IFI16: variants seen among roughly 807,000 people sequenced by gnomAD.
The protein encoded by IFI16 is interferon gamma inducible protein 16, also known as gamma-interferon-inducible protein 16.
IFI16 carries 49 observed loss-of-function variants against 68.4 expected under a neutral mutation model. The observed-to-expected ratio is 0.72, with a 90% CI of 0.57 to 0.91. The LOEUF (loss-of-function observed/expected upper bound fraction) is 0.91, where lower values mean the gene tolerates loss of function less well. IFI16 is among the 40% of genes least tolerant of loss of function. IFI16 has a pLI of 0.00. For missense variants in IFI16, 878 were observed against 942.9 expected (o/e 0.93, Z 0.90); for synonymous variants, 307 against 315.0 (o/e 0.97, Z 0.27).
chr1:159,002,746 T>C (rs534596552), upstream of IFI16, among the ~76,000 whole-genome samples: 25 of 152,246 alleles, frequency 1.6e-4, no homozygotes, highest in African/African-American at 6.0e-4. Context: ...CCACCTAGAG[T>C]AGTAGGTCCT....
At position 159,038,016 on chromosome 1, in the gene IFI16, A is replaced by G. The variant is rs1654422997; in HGVS notation, c.1329+5325A>G. ...AAAGATAAAATTTTCATCTCATTTC[A>G]CATATGAGATTCATGAGATACAAAG... On this transcript the variant is annotated intron_variant, in intron 7 of 11. Transcript: ENST00000295809. Among the ~76,000 whole-genome samples, 2 of 152,184 alleles carry G rather than the reference A, an allele frequency of 1.3e-5. 1 individual carries two copies. The highest frequency in any genetic ancestry group is 1.3e-4 in the Admixed American group (2 of 15,268).
At chr1:159,016,035 C>G in intron 3 of IFI16, 48 bp downstream of exon 3, 1 of 1,198,552 alleles carries the variant, frequency 8.3e-7, no homozygotes, top group Non-Finnish European at 1.2e-6. Context: ...AGAGGAAGCT[C>G]TGCTACGGCT....
At chr1:159,014,213 C>G (rs1010058861) in intron 1 of IFI16, among the ~76,000 whole-genome samples, 2 of 152,144 alleles carry the variant, frequency 1.3e-5, no homozygotes, top group Admixed American at 6.5e-5. Flanking sequence ...AGCGCTGTAG[C>G]AGAAAGTTAT....
intron 9 of IFI16, among the ~76,000 whole-genome samples, chr1:159,050,585 C>T (rs1336827075): frequency 6.6e-5 from 10 of 152,152 alleles, no homozygotes; most frequent in Admixed American, 6.6e-4. Context: ...GATCACATTG[C>T]TGGTCTGTGG....
chr1:159,029,201 C>G (rs1653846857), intron 6 of IFI16, among the ~76,000 whole-genome samples: 1 of 152,120 alleles, frequency 6.6e-6, no homozygotes, highest in Non-Finnish European at 1.5e-5. Context: ...TAGTGGCTAA[C>G]TCTCTCAGCA....
At chr1:159,014,528 G>A in intron 1 of IFI16, 133 bp from the exon 2 acceptor site, 1 of 530,972 alleles carries the variant, frequency 1.9e-6, no homozygotes, top group Non-Finnish European at 3.3e-6. Flanking sequence ...TAACACATTT[G>A]GTCGTTGAGT....
At chr1:159,039,768 G>C (rs1293437290) in intron 7 of IFI16, among the ~76,000 whole-genome samples, 1 of 152,180 alleles carries the variant, frequency 6.6e-6, no homozygotes, top group Non-Finnish European at 1.5e-5. Flanking sequence ...ACTTGAAACT[G>C]CATCTGCAAA....
intron 1 of IFI16, among the ~76,000 whole-genome samples, chr1:159,012,440 C>G (rs1009756686): frequency 2.6e-5 from 4 of 152,082 alleles, no homozygotes; most frequent in Non-Finnish European, 5.9e-5. Context: ...ATCAAAAGCA[C>G]TAATATTGCA....
upstream of IFI16, among the ~76,000 whole-genome samples, chr1:159,006,877 C>G (rs898284078): frequency 6.6e-6 from 1 of 152,200 alleles, no homozygotes; most frequent in African/African-American, 2.4e-5. Context: ...CCATAAACTT[C>G]TCCCATCTTT....
intron 2 of IFI16, chr1:159,015,593 A>T (rs963246481): frequency 4.0e-6 from 1 of 251,908 alleles, no homozygotes; most frequent in Non-Finnish European, 7.7e-6. Flanking sequence ...GGTTAACTGA[A>T]GCACATGGAG....
chr1:159,007,711 C>T (rs576403584), upstream of IFI16, among the ~76,000 whole-genome samples: 60 of 152,206 alleles, frequency 3.9e-4, 1 homozygote, highest in South Asian at 0.012. Flanking sequence ...AGAGTGCTCT[C>T]TCTCTCTCTC....
At chr1:159,042,861 G>A (rs1302513570) in intron 7 of IFI16, among the ~76,000 whole-genome samples, 1 of 152,126 alleles carries the variant, frequency 6.6e-6, no homozygotes, top group Non-Finnish European at 1.5e-5. Flanking sequence ...ATCACCCCCT[G>A]TGTTACCTAC....
chr1:159,028,025 T>C (rs922958685), intron 6 of IFI16, among the ~76,000 whole-genome samples: 2 of 152,200 alleles, frequency 1.3e-5, no homozygotes, highest in Non-Finnish European at 2.9e-5. Flanking sequence ...AGTTCTGCTT[T>C]GATCTTTGTT....
At chr1:159,044,682 A>G (rs1571885791) in intron 7 of IFI16, among the ~76,000 whole-genome samples, 1 of 152,176 alleles carries the variant, frequency 6.6e-6, no homozygotes, top group Admixed American at 6.5e-5. Flanking sequence ...ATGTATAAAA[A>G]TATAGCTAAT....
chr1:159,027,319 G>A (rs2101855309), intron 6 of IFI16, among the ~76,000 whole-genome samples: 1 of 152,098 alleles, frequency 6.6e-6, no homozygotes, highest in African/African-American at 2.4e-5. Flanking sequence ...TATTTGTGTG[G>A]TATATCACAT....
intron 7 of IFI16, among the ~76,000 whole-genome samples, chr1:159,038,507 G>C (rs1395567050): frequency 9.2e-5 from 14 of 151,970 alleles, no homozygotes; most frequent in Admixed American, 7.9e-4. Context: ...TGGGACTAAA[G>C]GTGCACGCTA....
At chr1:159,032,472 T>A (rs1654055517) in intron 6 of IFI16, 52 bp from the exon 7 acceptor site, 4 of 1,114,400 alleles carry the variant, frequency 3.6e-6, no homozygotes, top group Non-Finnish European at 3.8e-6. Flanking sequence ...TGAAAAGATG[T>A]TGTGCTTCCT....
chr1:159,022,006 C>G (rs1653356482), intron 6 of IFI16, among the ~76,000 whole-genome samples: 1 of 126,474 alleles, frequency 7.9e-6, no homozygotes, highest in Non-Finnish European at 1.6e-5. Flanking sequence ...CTCTTTTGCC[C>G]AGGCGGGAGT....
chr1:159,013,442 A>C (rs190083319), intron 1 of IFI16, among the ~76,000 whole-genome samples: 2 of 152,166 alleles, frequency 1.3e-5, no homozygotes, highest in African/African-American at 4.8e-5. Flanking sequence ...TGCTGGAATT[A>C]CAGGCGTGAG....
Sources: allele counts gnomAD v4.1 joint callset (sites outside exome capture counted in the v4.1 genomes callset), GRCh38; gene constraint gnomAD v4.1.1; transcripts MANE v1.5; gene names NCBI Gene and HGNC (gene_info 2026-07-23, HGNC 2026-07-21).